The following AZIN1 variants were observed in gnomAD, a reference collection of about 807,000 sequenced individuals.
AZIN1 encodes the protein ornithine decarboxylase antizyme inhibitor.
AZIN1 carries 12 observed loss-of-function variants against 47.4 expected under a neutral mutation model. That is an observed-to-expected ratio of 0.25 (90% CI 0.16 to 0.41). AZIN1 has a LOEUF of 0.41. Ranked by LOEUF, AZIN1 falls within the 10% of genes least tolerant of loss-of-function variation. The pLI, the probability that AZIN1 is intolerant of heterozygous loss-of-function variation, is 1.00. For synonymous variants in AZIN1, 155 were observed against 176.3 expected, an observed-to-expected ratio of 0.88 and a Z score of 0.96; for missense variants, 410 against 532.4, an observed-to-expected ratio of 0.77 and a Z score of 2.26.
At chr8:102,848,305 T>A (rs1273745696) in intron 2 of AZIN1, among the ~76,000 whole-genome samples, 1 of 130,930 alleles carries the variant, frequency 7.6e-6, no homozygotes, top group Non-Finnish European at 1.6e-5. Context: ...TATCAGCTAC[T>A]GTTAAAGACT....
intron 9 of AZIN1, among the ~76,000 whole-genome samples, chr8:102,831,683 G>C (rs182284846): frequency 6.7e-6 from 1 of 149,250 alleles, no homozygotes; most frequent in Admixed American, 6.7e-5. Flanking sequence ...CAGGTGTATT[G>C]ACTCAAGTTT....
At position 102,834,651 on chromosome 8, in the gene AZIN1, A is replaced by G. The variant is rs1215028534; in HGVS notation, c.666+15T>C. 3 of 1,569,610 alleles carry G rather than the reference A, an allele frequency of 1.9e-6. No homozygotes were observed. The highest frequency in any genetic ancestry group is 8.7e-7 in the Non-Finnish European group (1 of 1,148,654). On this transcript the variant is annotated intron_variant, in intron 7 of 11. Coordinates refer to ENST00000337198, the MANE Select transcript of AZIN1 (RefSeq NM_148174.4). ...TAAAATAAAATATCAAAATAACTTA[A>G]AAGAAAGAACTTACAGCCATGTCAA...
At chr8:102,841,862 G>A (rs2131231446) in intron 3 of AZIN1, among the ~76,000 whole-genome samples, 1 of 148,458 alleles carries the variant, frequency 6.7e-6, no homozygotes, top group South Asian at 2.2e-4. Context: ...TGTAATCCCA[G>A]CACTTTGGGA....
intron 6 of AZIN1, 158 bp from the exon 7 acceptor site, chr8:102,834,905 CAA>C (rs1165319318): frequency 5.4e-6 from 3 of 558,782 alleles, no homozygotes; most frequent in Admixed American, 7.2e-5. Context: ...TCTAATTACC[CAA>C]AAGTTACAGT....
At chr8:102,836,935 C>T (rs1365847278) in intron 5 of AZIN1, among the ~76,000 whole-genome samples, 2 of 151,856 alleles carry the variant, frequency 1.3e-5, no homozygotes, top group Non-Finnish European at 2.9e-5. Context: ...GATGGAGTTT[C>T]ACTCTGTCGC....
chr8:102,841,872 A>T (rs1812214689), intron 3 of AZIN1, among the ~76,000 whole-genome samples: 1 of 150,410 alleles, frequency 6.6e-6, no homozygotes, highest in Non-Finnish European at 1.5e-5. Flanking sequence ...GCACTTTGGG[A>T]GGCCAAGGTG....
intron 8 of AZIN1, among the ~76,000 whole-genome samples, chr8:102,833,756 T>A (rs1399795393): frequency 1.2e-4 from 7 of 58,560 alleles, no homozygotes; most frequent in South Asian, 7.6e-4. Flanking sequence ...AGACTCAATT[T>A]TTTTTTTTTT....
rs758411643 is a variant in AZIN1 at position 102,839,821 on chromosome 8, T to A, written c.105A>T (p.Thr35=). The A allele has an allele frequency of 2.5e-4, 404 of 1,584,388 alleles. 1 individual carries two copies. Among genetic ancestry groups the A allele is most frequent in the Non-Finnish European group, 3.3e-4 (389 of 1,166,596 alleles). The change falls in exon 4 of 12, where the codon ACA becomes ACT. Residue 35 remains threonine, a splice_region_variant and synonymous_variant. Transcript: ENST00000337198. ...CTCCCACAAAAAATGCATTTTTCCC[T>A]GTCTATTATGGTTATAAAAAAAAAG... ...IDNYVYEHTL[T]GKNAFFVGDL...
chr8:102,839,868 T>C lies in AZIN1; in HGVS notation c.103-45A>G, dbSNP rs760512401. On this transcript the variant is annotated intron_variant, in intron 3 of 11. Coordinates refer to ENST00000337198, the MANE Select transcript of AZIN1 (RefSeq NM_148174.4). The stretch of plus-strand genomic sequence containing the variant: ...AAAGACAAATATGAACAAAAAACCA[T>C]TGAAAATCAAGTATCAAAACAGGAA... 4.8e-5 allele frequency: 69 copies of C among 1,446,442 alleles called. No homozygotes were observed. The highest frequency in any genetic ancestry group is 5.7e-5 in the Non-Finnish European group (61 of 1,062,332). 89.6% of individuals were successfully genotyped at this position (1,446,442 alleles called of 1,614,324 possible).
intron 9 of AZIN1, among the ~76,000 whole-genome samples, chr8:102,830,904 C>T (rs113121231): frequency 2.0e-5 from 3 of 152,166 alleles, no homozygotes; most frequent in Non-Finnish European, 4.4e-5. Context: ...AGTGCAGTAG[C>T]GTGATCACAG....
intron 4 of AZIN1, 88 bp downstream of exon 4, chr8:102,839,562 T>G: frequency 1.1e-6 from 1 of 951,794 alleles, no homozygotes; most frequent in Non-Finnish European, 1.4e-6. Context: ...AAAGTCAAAC[T>G]TCCTTGCATT....
intron 5 of AZIN1, among the ~76,000 whole-genome samples, chr8:102,837,894 T>C (rs916864205): frequency 6.6e-6 from 1 of 152,222 alleles, no homozygotes; most frequent in African/African-American, 2.4e-5. Context: ...ATATACCAGT[T>C]TGTGAAAACA....
At chr8:102,859,262 C>A (rs1484927286) in intron 1 of AZIN1, 1 of 152,174 alleles carries the variant, frequency 6.6e-6, no homozygotes, top group Non-Finnish European at 1.5e-5. Flanking sequence ...CATTCTGATT[C>A]TTTCAACACC....
Position 102,833,199 on chromosome 8 carries a change from G to A in AZIN1, c.761C>T (p.Pro254Leu). Residue 254 changes from proline (P) to leucine (L), a missense_variant, in exon 9 of 12, where the codon CCT becomes CTT. This residue lies in a region of AZIN1 where 237 missense variants were observed against 309.4 expected (regional missense o/e 0.77). Transcript: ENST00000337198. ...TTCAGGAAAGTAGATATCCAACAGA[G>A]GGCTGATAACATGATTAACCTATGG... ...QLEEVNHVISPLLDIYFPEGS... is the reference protein window; with the variant it reads ...QLEEVNHVISLLLDIYFPEGS... 6.2e-7 allele frequency: 1 copy of A among 1,613,258 alleles called. No individual in the cohort carries two copies. The highest frequency in any genetic ancestry group is 8.5e-7 in the Non-Finnish European group (1 of 1,179,636).
chr8:102,842,305 C>A (rs1812251759), intron 3 of AZIN1, among the ~76,000 whole-genome samples: 1 of 152,190 alleles, frequency 6.6e-6, no homozygotes, highest in South Asian at 2.1e-4. Context: ...CACAGTGGCT[C>A]ACGCCTGTTA....
intron 1 of AZIN1, among the ~76,000 whole-genome samples, chr8:102,863,208 G>C (rs1225345719): frequency 6.6e-6 from 1 of 152,140 alleles, no homozygotes; most frequent in Non-Finnish European, 1.5e-5. Context: ...CTCCACCAGA[G>C]GGGGACCGCG....
intron 1 of AZIN1, among the ~76,000 whole-genome samples, chr8:102,863,604 G>A (rs1813901448): frequency 6.9e-6 from 1 of 144,918 alleles, no homozygotes; most frequent in African/African-American, 2.5e-5. Flanking sequence ...CGAAGGTCCT[G>A]AGGCGCGGCC....
chr8:102,830,131 A>G (rs1379661376), intron 9 of AZIN1, 195 bp from the exon 10 acceptor site: 6 of 444,036 alleles, frequency 1.4e-5, no homozygotes, highest in Non-Finnish European at 2.4e-5. Context: ...CATACCTGTA[A>G]TCCTAGCACT....
At chr8:102,843,470 G>A (rs1812353596) in intron 3 of AZIN1, 81 bp downstream of exon 3, 3 of 1,257,964 alleles carry the variant, frequency 2.4e-6, no homozygotes, top group Non-Finnish European at 3.4e-6. Context: ...CTTCTGATCA[G>A]ATTACCATCT....
Sources: allele counts gnomAD v4.1 joint callset (sites outside exome capture counted in the v4.1 genomes callset), GRCh38; gene constraint gnomAD v4.1.1; regional missense constraint gnomAD v4.1.1; transcripts MANE v1.5; gene names NCBI Gene and HGNC (gene_info 2026-07-23, HGNC 2026-07-21).